ACO1: variants seen among roughly 807,000 people sequenced by gnomAD.
ACO1 encodes aconitase 1, also known as cytoplasmic aconitate hydratase.
ACO1 carries 78 observed loss-of-function variants against 105.1 expected under a neutral mutation model. The ratio of observed to expected loss-of-function variants is 0.74; its 90% confidence interval spans 0.62 to 0.90. The LOEUF (loss-of-function observed/expected upper bound fraction) is 0.90, where lower values mean the gene tolerates loss of function less well. ACO1 is among the 40% of genes least tolerant of loss of function. The pLI, the probability that ACO1 is intolerant of heterozygous loss-of-function variation, is 0.00. For missense variants in ACO1, 965 were observed against 1,111.1 expected, an observed-to-expected ratio of 0.87 and a Z score of 1.87; for synonymous variants, 364 against 397.4, an observed-to-expected ratio of 0.92 and a Z score of 1.00.
chr9:32,400,267 G>C (rs766726169), intron 1 of ACO1, among the ~76,000 whole-genome samples: 64 of 152,198 alleles, frequency 4.2e-4, no homozygotes, highest in Middle Eastern at 3.4e-3. Context: ...CACTGCGCCT[G>C]GCTGTATCTA....
intron 1 of ACO1, among the ~76,000 whole-genome samples, chr9:32,402,992 GGCCCCCTGGAAAGAA>G (rs1821529788): frequency 6.6e-6 from 1 of 152,158 alleles, no homozygotes; most frequent in African/African-American, 2.4e-5. Context: ...CTGGTCTTGG[GGCCCCCTGGAAAGAA>G]GTAAAGGCAA....
At chr9:32,407,561 C>A (rs1210079662) in intron 3 of ACO1, 132 bp downstream of exon 3, 2 of 827,046 alleles carry the variant, frequency 2.4e-6, no homozygotes, top group Non-Finnish European at 3.5e-6. Context: ...ATATTATATA[C>A]CCATATCCAG....
intron 12 of ACO1, 28 bp from the exon 13 acceptor site, chr9:32,429,391 G>A: frequency 1.2e-6 from 2 of 1,604,100 alleles, no homozygotes. Context: ...CTTTTTTTGT[G>A]TGTGTGTGCT....
chr9:32,447,417 G>A, intron 19 of ACO1, among the ~76,000 whole-genome samples: 1 of 139,646 alleles, frequency 7.2e-6, no homozygotes, highest in East Asian at 1.9e-4. Flanking sequence ...AGCTCTATCA[G>A]GTCATTTATG....
At chr9:32,433,499 G>A (rs114135385) in intron 15 of ACO1, among the ~76,000 whole-genome samples, 2,496 of 152,162 alleles carry the variant, frequency 0.016, 63 homozygotes, top group African/African-American at 0.058. Context: ...GCCTCCCTAA[G>A]TAATGGGATT....
intron 1 of ACO1, among the ~76,000 whole-genome samples, chr9:32,403,995 G>A (rs1011802531): frequency 6.6e-6 from 1 of 151,278 alleles, no homozygotes; most frequent in African/African-American, 2.5e-5. Context: ...TTCAGCCAGT[G>A]GAATTATTAG....
In ACO1 at chr9:32,433,843, TTA is replaced by T; in HGVS notation, c.1956+13_1956+14del. On this transcript the variant is annotated intron_variant, in intron 16 of 20. Transcript: ENST00000309951. Reference sequence around the variant, plus strand: ...TTCTTTGAAAACCTGGTATGGCTTTTTATTTTTTAACAAAATGAATTCTTTGA... The same window carrying T: ...TTCTTTGAAAACCTGGTATGGCTTTTTTTTTTAACAAAATGAATTCTTTGA... The T allele has an allele frequency of 6.4e-7, 1 of 1,561,150 alleles. No individual in the cohort carries two copies. Among genetic ancestry groups the T allele is most frequent in the Non-Finnish European group, 8.7e-7 (1 of 1,148,236 alleles).
intron 1 of ACO1, among the ~76,000 whole-genome samples, chr9:32,398,167 A>T (rs1398784608): frequency 1.3e-5 from 2 of 152,194 alleles, no homozygotes; most frequent in Non-Finnish European, 2.9e-5. Context: ...ATCATAAGGT[A>T]ATTAATTATA....
At chr9:32,413,605 A>G (rs998172300) in intron 4 of ACO1, among the ~76,000 whole-genome samples, 11 of 152,158 alleles carry the variant, frequency 7.2e-5, no homozygotes, top group African/African-American at 2.7e-4. Flanking sequence ...GTAAGGAATT[A>G]AATGTGATGT....
intron 8 of ACO1, among the ~76,000 whole-genome samples, chr9:32,422,797 A>G (rs1325864815): frequency 6.6e-6 from 1 of 152,200 alleles, no homozygotes; most frequent in African/African-American, 2.4e-5. Flanking sequence ...TAATAATTGT[A>G]CTTGTATCTT....
chr9:32,423,133 AAGC>A (rs1822011877), intron 8 of ACO1, among the ~76,000 whole-genome samples, 183 bp from the exon 9 acceptor site: 1 of 152,214 alleles, frequency 6.6e-6, no homozygotes, highest in Non-Finnish European at 1.5e-5. Context: ...CCCTAATAAA[AAGC>A]AGCATCAGTG....
intron 1 of ACO1, among the ~76,000 whole-genome samples, chr9:32,400,206 G>C (rs1358007532): frequency 6.6e-6 from 1 of 151,948 alleles, no homozygotes; most frequent in Non-Finnish European, 1.5e-5. Context: ...CCTGACCTGA[G>C]GTGATCCGCC....
Position 32,454,568 on chromosome 9 carries a change from GAA to G in ACO1, c.*4461_*4462del, listed in dbSNP as rs1412785590. 1 of 152,098 alleles carries G rather than the reference GAA, an allele frequency of 6.6e-6. No individual in the cohort carries two copies. The highest frequency in any genetic ancestry group is 2.4e-5 in the African/African-American group (1 of 41,416). 9.4% of individuals were successfully genotyped at this position (152,098 alleles called of 1,614,324 possible). ...CTAATGGGGCTGGGCATGTGTCCAT[GAA>G]AAAGACTCCCCAGTTGTTTCTAAAA... On this transcript the variant is annotated 3_prime_UTR_variant, in exon 21 of 21. Transcript: ENST00000309951.
intron 1 of ACO1, among the ~76,000 whole-genome samples, chr9:32,398,787 G>A (rs963672719): frequency 5.3e-5 from 8 of 151,896 alleles, no homozygotes; most frequent in African/African-American, 1.9e-4. Context: ...TAGAGACATG[G>A]TCTCGCTATG....
At position 32,431,655 on chromosome 9, in the gene ACO1, C is replaced by T. The variant is rs185359830; in HGVS notation, c.1727-64C>T. 8.7e-5 allele frequency: 138 copies of T among 1,579,860 alleles called. 1 individual carries two copies. In the African/African-American group the frequency reaches 1.7e-3, roughly 19 times the overall value. On this transcript the variant is annotated intron_variant, in intron 14 of 20. Transcript: ENST00000309951. ...AACTACCGAGGAGAACGAGGCTTGA[C>T]TCTGTATAATCATGAAAATTGCATA...
intron 14 of ACO1, among the ~76,000 whole-genome samples, chr9:32,431,324 A>G (rs989150869): frequency 3.3e-5 from 5 of 151,972 alleles, no homozygotes; most frequent in Admixed American, 2.6e-4. Context: ...TGCTTTTTGC[A>G]TTTTTGTGCT....
At chr9:32,412,030 C>T (rs1043425407) in intron 4 of ACO1, among the ~76,000 whole-genome samples, 1 of 152,296 alleles carries the variant, frequency 6.6e-6, no homozygotes, top group Middle Eastern at 3.4e-3. Context: ...TGCACCATTA[C>T]ATCTAGCTAA....
intron 19 of ACO1, among the ~76,000 whole-genome samples, chr9:32,441,624 T>C (rs940129902): frequency 6.6e-6 from 1 of 152,142 alleles, no homozygotes; most frequent in African/African-American, 2.4e-5. Flanking sequence ...AACCAGATAA[T>C]TGCAGAAGAA....
rs146244410 is a variant in ACO1, at chr9:32,410,620, C to A, written c.404+1969C>A. 2.2e-4 allele frequency among the ~76,000 whole-genome samples: 33 copies of A among 152,144 alleles called. No individual in the cohort carries two copies. In the East Asian group the frequency reaches 6.4e-3, roughly 29 times the overall value. On this transcript the variant is annotated intron_variant, in intron 4 of 20. Coordinates refer to ENST00000309951, the MANE Select transcript of ACO1 (RefSeq NM_002197.3). ...AAAAAAAAGAATCTAGTCATCTTTGCCCTTTGGCTCAAAATGGTAATCAAC... is the reference window on the plus strand; with the variant it reads ...AAAAAAAAGAATCTAGTCATCTTTGACCTTTGGCTCAAAATGGTAATCAAC...
Sources: gnomAD v4.1 joint callset for allele counts (sites outside exome capture counted in the v4.1 genomes callset) on GRCh38, gnomAD v4.1.1 for gene constraint, MANE v1.5 for transcripts, NCBI Gene and HGNC (gene_info 2026-07-23, HGNC 2026-07-21) for gene names.